The following LUZP2 variants were observed in gnomAD, a reference collection of about 807,000 sequenced individuals.
LUZP2 encodes the protein leucine zipper protein 2.
A neutral mutation model predicts 51.6 loss-of-function variants in LUZP2; 52 were observed. That is an observed-to-expected ratio of 1.01 (90% CI 0.81 to 1.27). LUZP2 has a LOEUF of 1.27. LUZP2 is among the 50% of genes most tolerant of loss of function. The pLI is 0.00. For missense variants in LUZP2, 436 were observed against 395.4 expected, an observed-to-expected ratio of 1.10 and a Z score of -0.87; for synonymous variants, 154 against 137.3, an observed-to-expected ratio of 1.12 and a Z score of -0.85.
chr11:24,967,413 A>G (rs537690475), intron 7 of LUZP2, among the ~76,000 whole-genome samples: 1 of 152,050 alleles, frequency 6.6e-6, no homozygotes, highest in Non-Finnish European at 1.5e-5. Flanking sequence ...TTTTCAACAC[A>G]AATGTTTTTA....
chr11:24,987,950 A>G (rs1040041453), intron 9 of LUZP2, among the ~76,000 whole-genome samples: 1 of 151,942 alleles, frequency 6.6e-6, no homozygotes, highest in Admixed American at 6.6e-5. Context: ...ATTTAGCAGG[A>G]GTTTAGGCTA....
intron 1 of LUZP2, among the ~76,000 whole-genome samples, chr11:24,593,365 C>T (rs1347917282): frequency 6.6e-6 from 1 of 152,028 alleles, no homozygotes; most frequent in Non-Finnish European, 1.5e-5. Context: ...TAATATTAAT[C>T]TTGATGATTA....
At chr11:24,807,333 G>A (rs1735644726) in intron 5 of LUZP2, among the ~76,000 whole-genome samples, 1 of 151,936 alleles carries the variant, frequency 6.6e-6, no homozygotes, top group South Asian at 2.1e-4. Context: ...GTAGTGGTGA[G>A]TGCCTGTAAT....
At chr11:24,616,511 G>A (rs906649725) in intron 1 of LUZP2, among the ~76,000 whole-genome samples, 11 of 150,778 alleles carry the variant, frequency 7.3e-5, no homozygotes, top group African/African-American at 2.7e-4. Flanking sequence ...GTATGTTAAT[G>A]TTTTGACCAT....
chr11:24,912,793 G>A lies in LUZP2; in HGVS notation c.460-1683G>A, dbSNP rs566674394. Among the ~76,000 whole-genome samples the A allele has an allele frequency of 1.5e-3, 224 of 152,194 alleles. 1 individual carries two copies. The highest frequency in any genetic ancestry group is 2.5e-3 in the Non-Finnish European group (168 of 68,010). ...CCACTGCACTCCAGCCTGGGCAACA[G>A]AGCAAGACTCCATCTCAAGAAAAAA... On this transcript the variant is annotated intron_variant, in intron 6 of 11. Transcript: ENST00000336930.
At chr11:24,638,517 GA>G (rs1047024261) in intron 1 of LUZP2, among the ~76,000 whole-genome samples, 1 of 151,464 alleles carries the variant, frequency 6.6e-6, no homozygotes, top group Non-Finnish European at 1.5e-5. Context: ...TTGCAAGCTA[GA>G]AAAAAATAAA....
intron 9 of LUZP2, among the ~76,000 whole-genome samples, chr11:24,986,961 T>C (rs1305144917): frequency 6.6e-6 from 1 of 151,818 alleles, no homozygotes; most frequent in Non-Finnish European, 1.5e-5. Flanking sequence ...TAAGTAAAAA[T>C]CTCTTTTCTG....
At chr11:24,565,669 A>G (rs1490551209) in intron 1 of LUZP2, among the ~76,000 whole-genome samples, 1 of 152,196 alleles carries the variant, frequency 6.6e-6, no homozygotes, top group Non-Finnish European at 1.5e-5. Context: ...AACTGATAAT[A>G]TAGCTAGAAG....
chr11:24,534,683 T>C (rs1208396364), intron 1 of LUZP2, among the ~76,000 whole-genome samples: 1 of 151,440 alleles, frequency 6.6e-6, no homozygotes, highest in Non-Finnish European at 1.5e-5. Context: ...ATAAATTCCT[T>C]AGCAGACTTA....
intron 1 of LUZP2, among the ~76,000 whole-genome samples, chr11:24,565,983 A>T (rs890157732): frequency 5.9e-5 from 9 of 152,084 alleles, no homozygotes; most frequent in Non-Finnish European, 1.2e-4. Flanking sequence ...AACTATCAGT[A>T]TCCATAAATA....
intron 5 of LUZP2, among the ~76,000 whole-genome samples, chr11:24,872,608 T>C (rs1042402097): frequency 1.3e-5 from 2 of 152,182 alleles, no homozygotes; most frequent in African/African-American, 2.4e-5. Flanking sequence ...AATTTAGGCA[T>C]ATGGAAGGAG....
chr11:24,711,429 G>A (rs191559374), intron 1 of LUZP2, among the ~76,000 whole-genome samples: 1,976 of 151,078 alleles, frequency 0.013, 19 homozygotes, highest in Non-Finnish European at 0.022. Flanking sequence ...CAGCCTGGGC[G>A]ACAGAGCGAG....
At chr11:24,564,575 G>C (rs1243214793) in intron 1 of LUZP2, among the ~76,000 whole-genome samples, 1 of 152,038 alleles carries the variant, frequency 6.6e-6, no homozygotes, top group Non-Finnish European at 1.5e-5. Flanking sequence ...AAAAAGAACA[G>C]CACATTTGTA....
intron 1 of LUZP2, among the ~76,000 whole-genome samples, chr11:24,517,648 T>G (rs1386233484): frequency 6.6e-6 from 1 of 151,994 alleles, no homozygotes; most frequent in Non-Finnish European, 1.5e-5. Context: ...CACTGATTAT[T>G]GTAAATTGTG....
intron 1 of LUZP2, among the ~76,000 whole-genome samples, chr11:24,531,283 A>T (rs896770524): frequency 6.6e-6 from 1 of 150,612 alleles, no homozygotes; most frequent in Non-Finnish European, 1.5e-5. Flanking sequence ...TTTAATTTTT[A>T]AGATGTTTAA....
intron 7 of LUZP2, among the ~76,000 whole-genome samples, chr11:24,950,567 G>C (rs1454355134): frequency 1.3e-5 from 2 of 151,536 alleles, no homozygotes; most frequent in Non-Finnish European, 3.0e-5. Flanking sequence ...AGTGACATGT[G>C]AGACAGACCA....
intron 10 of LUZP2, among the ~76,000 whole-genome samples, chr11:25,068,357 A>C (rs569213332): frequency 2.0e-5 from 3 of 152,094 alleles, no homozygotes; most frequent in South Asian, 4.1e-4. Context: ...TTTTTCTTTC[A>C]GTTTTATAAT....
intron 7 of LUZP2, among the ~76,000 whole-genome samples, chr11:24,922,883 C>G (rs1854109429): frequency 8.1e-6 from 1 of 123,464 alleles, no homozygotes; most frequent in African/African-American, 3.1e-5. Context: ...GAGTCTCGCT[C>G]CATTGCCCAG....
At chr11:24,978,105 CAT>C (rs1855930623) in intron 8 of LUZP2, among the ~76,000 whole-genome samples, 1 of 151,324 alleles carries the variant, frequency 6.6e-6, no homozygotes, top group Non-Finnish European at 1.5e-5. Context: ...CAGTTTGTAC[CAT>C]AGTTATTTTA....
Sources: gnomAD v4.1 joint callset for allele counts (sites outside exome capture counted in the v4.1 genomes callset) on GRCh38, gnomAD v4.1.1 for gene constraint, MANE v1.5 for transcripts, NCBI Gene and HGNC (gene_info 2026-07-23, HGNC 2026-07-21) for gene names.